RANBP10: variants seen among roughly 807,000 people sequenced by gnomAD.
RANBP10 encodes the protein ran-binding protein 10.
RANBP10 carries 24 observed loss-of-function variants against 72.8 expected under a neutral mutation model. The ratio of observed to expected loss-of-function variants is 0.33; its 90% confidence interval spans 0.24 to 0.46. RANBP10 has a LOEUF of 0.46. Among genes scored for constraint, RANBP10 ranks in the 20% least tolerant of loss-of-function variants. The probability of loss-of-function intolerance (pLI) is 1.00; values close to 1 mark genes in which losing one functional copy is unlikely to be tolerated. For synonymous variants in RANBP10, 310 were observed against 322.3 expected (o/e 0.96, Z 0.41); for missense variants, 679 against 817.5 (o/e 0.83, Z 2.07).
rs2053815225 is a variant in RANBP10 at position 67,735,046 on chromosome 16, A to G, written c.592-4T>C. ...CTACGGTGGGGTAGAGGTTGGCCTG[A>G]GGAGGAGAATGAAATGTCAGTCAGG... is the stretch of plus-strand genomic sequence containing the variant. On this transcript the variant is annotated splice_polypyrimidine_tract_variant and splice_region_variant and intron_variant, in intron 5 of 13. Transcript: ENST00000317506. 1.9e-6 allele frequency: 3 copies of G among 1,584,356 alleles called. No homozygotes were observed. The highest frequency in any genetic ancestry group is 2.6e-6 in the Non-Finnish European group (3 of 1,160,664).
At chr16:67,796,070 C>A (rs1326826887) in intron 2 of RANBP10, among the ~76,000 whole-genome samples, 1 of 151,756 alleles carries the variant, frequency 6.6e-6, no homozygotes, top group African/African-American at 2.4e-5. Flanking sequence ...GCGCCTGCCA[C>A]CATGCCCAGC....
intron 3 of RANBP10, among the ~76,000 whole-genome samples, chr16:67,749,716 A>G (rs1289155419): frequency 6.6e-6 from 1 of 152,182 alleles, no homozygotes; most frequent in Non-Finnish European, 1.5e-5. Context: ...AGGCAGGCTC[A>G]TGAGGCCGTC....
At position 67,764,973 on chromosome 16, in the gene RANBP10, A is replaced by T. The variant is rs1195482785; in HGVS notation, c.400+7061T>A. ...AACATCTTAACTATATTAAAACATTAACACTCCTCATAAATAGTACGAGAA... is the reference window on the plus strand; with the variant it reads ...AACATCTTAACTATATTAAAACATTTACACTCCTCATAAATAGTACGAGAA... On this transcript the variant is annotated intron_variant, in intron 3 of 13. Transcript: ENST00000317506. Among the ~76,000 whole-genome samples, 3 of 152,156 alleles carry T rather than the reference A, an allele frequency of 2.0e-5. No individual in the cohort carries two copies. The South Asian group carries it at 6.2e-4, about 31-fold the overall frequency.
At chr16:67,779,676 T>C (rs768263952) in intron 2 of RANBP10, among the ~76,000 whole-genome samples, 2 of 151,964 alleles carry the variant, frequency 1.3e-5, no homozygotes, top group Non-Finnish European at 2.9e-5. Flanking sequence ...TAAAAACAGG[T>C]GTGATAAATT....
At chr16:67,792,273 G>A (rs1158263096) in intron 2 of RANBP10, among the ~76,000 whole-genome samples, 1 of 151,994 alleles carries the variant, frequency 6.6e-6, no homozygotes, top group Non-Finnish European at 1.5e-5. Flanking sequence ...ATATAGGCTA[G>A]ACCAGGCACC....
intron 2 of RANBP10, among the ~76,000 whole-genome samples, chr16:67,783,259 G>T (rs987359521): frequency 1.3e-5 from 2 of 152,180 alleles, no homozygotes; most frequent in Non-Finnish European, 2.9e-5. Flanking sequence ...AGGCAGGCCT[G>T]GTGGTGGACA....
Position 67,731,487 on chromosome 16 carries a change from T to A in RANBP10, c.874A>T (p.Ile292Leu), listed in dbSNP as rs755957814. ...TAAACCTTACTTTGTCTGTTCTTTA[T>A]GGACGCCTGTTCTTCCTGAATCGGG... ...ETPIQEEQAS[I>L]KNRQKIQKLV... The change falls in exon 7 of 14, where the codon ATA (isoleucine) becomes TTA (leucine). Residue 292 changes from isoleucine (I) to leucine (L), a missense_variant. Transcript: ENST00000317506. The A allele has an allele frequency of 6.2e-6, 10 of 1,613,312 alleles. No individual in the cohort carries two copies. In the East Asian group the frequency reaches 1.8e-4, roughly 29 times the overall value.
At chr16:67,766,183 G>A (rs1224367589) in intron 3 of RANBP10, among the ~76,000 whole-genome samples, 1 of 152,118 alleles carries the variant, frequency 6.6e-6, no homozygotes, top group Admixed American at 6.6e-5. Flanking sequence ...AGCTGCTGTC[G>A]TCTTCCATCC....
chr16:67,734,786 C>T, intron 6 of RANBP10, 72 bp downstream of exon 6: 2 of 1,392,450 alleles, frequency 1.4e-6, no homozygotes, highest in South Asian at 3.1e-5. Context: ...CAGCTTGTAG[C>T]CCTACAGGGG....
chr16:67,760,250 A>G (rs1291434879), intron 3 of RANBP10, among the ~76,000 whole-genome samples: 3 of 152,240 alleles, frequency 2.0e-5, no homozygotes, highest in African/African-American at 7.2e-5. Context: ...GGGAGGAACG[A>G]TATCAAACAC....
intron 3 of RANBP10, among the ~76,000 whole-genome samples, chr16:67,760,540 G>GGAA (rs2054376999): frequency 6.6e-6 from 1 of 152,180 alleles, no homozygotes; most frequent in Non-Finnish European, 1.5e-5. Context: ...ACCATCCTGT[G>GGAA]GAAGCAAAGC....
At chr16:67,748,947 T>C (rs1212955089) in intron 3 of RANBP10, among the ~76,000 whole-genome samples, 1 of 152,114 alleles carries the variant, frequency 6.6e-6, no homozygotes, top group Non-Finnish European at 1.5e-5. Flanking sequence ...GGAACATGCT[T>C]AAGCACATCC....
intron 4 of RANBP10, among the ~76,000 whole-genome samples, chr16:67,743,655 C>T (rs1352364169): frequency 3.3e-5 from 5 of 152,130 alleles, no homozygotes; most frequent in Non-Finnish European, 7.4e-5. Context: ...CAAGTGCACC[C>T]CATCTGTCAC....
intron 2 of RANBP10, among the ~76,000 whole-genome samples, chr16:67,797,887 G>A (rs2055161239): frequency 6.6e-6 from 1 of 150,946 alleles, no homozygotes; most frequent in African/African-American, 2.4e-5. Flanking sequence ...CTACTCAAGA[G>A]TCTCAGGTAG....
Position 67,729,352 on chromosome 16 carries a change from T to C in RANBP10, c.1280A>G (p.Asn427Ser). 1 of 1,612,290 alleles carries C rather than the reference T, an allele frequency of 6.2e-7. No homozygotes were observed. Among genetic ancestry groups the C allele is most frequent in the Non-Finnish European group, 8.5e-7 (1 of 1,179,226 alleles). ...SSSSSSPSSV[N>S]YSESNSTDST... ...GTCTGTTGAGTTGGACTCGGAGTAA[T>C]TGACGGAGGATGGGGAAGAGGACGA... The change falls in exon 10 of 14, where the codon AAT (asparagine) becomes AGT (serine). Residue 427 changes from asparagine (N) to serine (S), a missense_variant. Coordinates refer to ENST00000317506, the MANE Select transcript of RANBP10 (RefSeq NM_020850.3). This position sits in a 1 kb window ranked among gnomAD's most constrained non-coding sequence, Gnocchi z 7.1.
At chr16:67,779,624 T>A (rs554532930) in intron 2 of RANBP10, among the ~76,000 whole-genome samples, 1 of 152,090 alleles carries the variant, frequency 6.6e-6, no homozygotes, top group Non-Finnish European at 1.5e-5. Context: ...ATGGCTGAGT[T>A]ATTAGGAGCT....
intron 3 of RANBP10, among the ~76,000 whole-genome samples, chr16:67,757,734 T>A (rs1421105805): frequency 6.6e-6 from 1 of 152,140 alleles, no homozygotes; most frequent in African/African-American, 2.4e-5. Context: ...TGGGGTGGCA[T>A]CAGAGAACAC....
intron 2 of RANBP10, among the ~76,000 whole-genome samples, chr16:67,802,587 G>A (rs761287132): frequency 5.3e-5 from 8 of 152,316 alleles, no homozygotes; most frequent in South Asian, 4.1e-4. Context: ...GCAATGAGCC[G>A]AGATTGAGTC....
chr16:67,726,356 G>A lies in RANBP10; in HGVS notation c.*72C>T, dbSNP rs2053598844. 1 of 1,596,816 alleles carries A rather than the reference G, an allele frequency of 6.3e-7. No individual in the cohort carries two copies. Among genetic ancestry groups the A allele is most frequent in the South Asian group, 1.1e-5 (1 of 89,016 alleles). ...TGGTTTCCCAGTCCCTGCACCAGTTGCCTATGGAGGGCAGGGCAGCTCCAG... is the reference window on the plus strand; with the variant it reads ...TGGTTTCCCAGTCCCTGCACCAGTTACCTATGGAGGGCAGGGCAGCTCCAG... On this transcript the variant is annotated 3_prime_UTR_variant, in exon 14 of 14. Coordinates refer to ENST00000317506, the MANE Select transcript of RANBP10 (RefSeq NM_020850.3).
Sources: gnomAD v4.1 joint callset for allele counts (sites outside exome capture counted in the v4.1 genomes callset) on GRCh38, gnomAD v4.1.1 for gene constraint, Gnocchi (gnomAD v3.1) non-coding constraint, MANE v1.5 for transcripts, NCBI Gene and HGNC (gene_info 2026-07-23, HGNC 2026-07-21) for gene names.